KLF8: variants seen among roughly 807,000 people sequenced by gnomAD.
KLF8 encodes KLF transcription factor 8, also known as Krueppel-like factor 8.
KLF8 carries 10 observed loss-of-function variants against 18.2 expected under a neutral mutation model. The ratio of observed to expected loss-of-function variants is 0.55; its 90% CI spans 0.34 to 0.93. The LOEUF is 0.93. Ranked by LOEUF, KLF8 falls within the 40% of genes least tolerant of loss-of-function variation. The probability of loss-of-function intolerance (pLI) is 0.02; values close to 1 mark genes in which losing one functional copy is unlikely to be tolerated. For missense variants in KLF8, 264 were observed against 277.9 expected (o/e 0.95, Z 0.36); for synonymous variants, 109 against 97.3 (o/e 1.12, Z -0.71).
chrX:56,041,521 G>C, the KLF8 span, among the ~76,000 whole-genome samples: 5 of 98,060 alleles, frequency 5.1e-5, no homozygotes, highest in African/African-American at 1.9e-4. Context: ...TTGACTTTTT[G>C]AATGGTTTTT....
At chrX:56,082,033 A>G in the KLF8 span, among the ~76,000 whole-genome samples, 4 of 111,047 alleles carry the variant, frequency 3.6e-5, no homozygotes, top group Non-Finnish European at 7.6e-5. Flanking sequence ...ATTAGTGTTG[A>G]TTCTCTTTAA....
At chrX:56,004,784 G>A in the KLF8 span, among the ~76,000 whole-genome samples, 1 of 111,525 alleles carries the variant, frequency 9.0e-6, no homozygotes, top group South Asian at 3.8e-4. Flanking sequence ...GAAGTTTGAA[G>A]AGTGAATCTG....
chrX:56,167,007 T>C, the KLF8 span, among the ~76,000 whole-genome samples: 1 of 112,220 alleles, frequency 8.9e-6, no homozygotes, highest in East Asian at 2.8e-4. Flanking sequence ...AAGCCATATG[T>C]GTTCCATTTT....
the KLF8 span, among the ~76,000 whole-genome samples, chrX:56,216,513 GATTTATTTATTTATTT>G: frequency 2.1e-4 from 19 of 91,090 alleles, no homozygotes; most frequent in South Asian, 5.7e-4. Context: ...TCTGGCTGCT[GATTTATTTATTTATTT>G]ATTTATTTAT....
the KLF8 span, among the ~76,000 whole-genome samples, chrX:56,148,419 A>T: frequency 9.1e-6 from 1 of 110,375 alleles, no homozygotes; most frequent in Middle Eastern, 4.7e-3. Flanking sequence ...GAACTTTAAA[A>T]CAAAGGATCC....
In KLF8 at chrX:56,284,411, C is replaced by A. The variant is rs1569194785; in HGVS notation, c.997C>A (p.Pro333Thr). 1 of 1,209,504 alleles carries A rather than the reference C, an allele frequency of 8.3e-7. No individual in the cohort carries two copies. Among genetic ancestry groups the A allele is most frequent in the Non-Finnish European group, 1.1e-6 (1 of 894,491 alleles). The change falls in exon 6 of 6, where the codon CCT (proline) becomes ACT (threonine). Residue 333 changes from proline (P) to threonine (T), a missense_variant. By Grantham distance (38) the Pro-to-Thr change is conservative (BLOSUM62 -1). Coordinates refer to ENST00000468660, the MANE Select transcript of KLF8 (RefSeq NM_007250.5). The stretch of plus-strand genomic sequence containing the variant: ...TTTCCGCAAGCACACAGGCATCAAG[C>A]CTTTTCGGTGCACAGACTGCAACCG... ...RHFRKHTGIK[P>T]FRCTDCNRSF... is the part of the protein sequence containing the mutation.
chrX:56,058,302 A>ATATATATATAG, the KLF8 span, among the ~76,000 whole-genome samples: 1 of 66,507 alleles, frequency 1.5e-5, no homozygotes, highest in African/African-American at 7.1e-5. Context: ...ATATATATAT[A>ATATATATATAG]TATATATATA....
chrX:56,040,693 T>A, the KLF8 span, among the ~76,000 whole-genome samples: 1 of 108,257 alleles, frequency 9.2e-6, no homozygotes, highest in Non-Finnish European at 1.9e-5. Flanking sequence ...CATTGCTGTA[T>A]CTCTTCCAGG....
chrX:56,053,054 C>G, the KLF8 span, among the ~76,000 whole-genome samples: 3 of 111,926 alleles, frequency 2.7e-5, no homozygotes, highest in South Asian at 3.7e-4. Context: ...TCACCCCTTT[C>G]TTTGACTCAG....
At chrX:56,119,553 G>A in the KLF8 span, among the ~76,000 whole-genome samples, 1 of 110,185 alleles carries the variant, frequency 9.1e-6, no homozygotes, top group Non-Finnish European at 1.9e-5. Flanking sequence ...AGAGGCGCAT[G>A]CCACCATGCC....
the KLF8 span, among the ~76,000 whole-genome samples, chrX:56,187,768 A>G: frequency 9.0e-6 from 1 of 111,213 alleles, no homozygotes; most frequent in African/African-American, 3.3e-5. Context: ...ACCAAAGAAA[A>G]AAACCACATG....
chrX:56,053,233 C>G, the KLF8 span, among the ~76,000 whole-genome samples: 3 of 112,326 alleles, frequency 2.7e-5, no homozygotes, highest in Non-Finnish European at 5.6e-5. Flanking sequence ...TCCTCTGCGT[C>G]GCTCACGCTG....
At chrX:55,937,974 C>A in the KLF8 span, among the ~76,000 whole-genome samples, 7 of 111,901 alleles carry the variant, frequency 6.3e-5, no homozygotes, top group Non-Finnish European at 1.3e-4. Context: ...AGGAGAACTT[C>A]CCCAATCTAG....
the KLF8 span, among the ~76,000 whole-genome samples, chrX:55,925,804 G>A: frequency 8.9e-6 from 1 of 111,974 alleles, no homozygotes; most frequent in Non-Finnish European, 1.9e-5. Context: ...ATGGTCCAAA[G>A]TCAGCCTGCT....
At chrX:55,913,289 T>G in the KLF8 span, among the ~76,000 whole-genome samples, 1 of 111,778 alleles carries the variant, frequency 8.9e-6, no homozygotes, top group Non-Finnish European at 1.9e-5. Flanking sequence ...GTATGTCCTT[T>G]GCTATGGGTT....
At chrX:56,207,661 A>C in the KLF8 span, among the ~76,000 whole-genome samples, 1 of 111,159 alleles carries the variant, frequency 9.0e-6, no homozygotes, top group Non-Finnish European at 1.9e-5. Context: ...CATTTTGGTC[A>C]AAGCCATTTA....
chrX:56,257,578 C>T (rs914476029), intron 2 of KLF8, among the ~76,000 whole-genome samples: 8 of 111,577 alleles, frequency 7.2e-5, no homozygotes, highest in African/African-American at 2.3e-4. Context: ...GAGTACCCAA[C>T]GTTTAGCTCT....
At chrX:56,219,612 C>G in the KLF8 span, among the ~76,000 whole-genome samples, 2 of 112,018 alleles carry the variant, frequency 1.8e-5, no homozygotes, top group East Asian at 5.6e-4. Flanking sequence ...CCTGCTGACC[C>G]CTATCCTCTC....
the KLF8 span, among the ~76,000 whole-genome samples, chrX:56,077,673 G>T: frequency 1.1e-4 from 12 of 111,623 alleles, no homozygotes; most frequent in Non-Finnish European, 1.3e-4. Flanking sequence ...TTCCAATTCT[G>T]TGAAGAAAGT....
Sources: allele counts gnomAD v4.1 joint callset (sites outside exome capture counted in the v4.1 genomes callset), GRCh38; gene constraint gnomAD v4.1.1; transcripts MANE v1.5; gene names NCBI Gene and HGNC (gene_info 2026-07-23, HGNC 2026-07-21).